The following SPAG16 variants were observed in gnomAD, a reference collection of about 807,000 sequenced individuals.
The protein encoded by SPAG16 is sperm-associated antigen 16 protein.
A neutral mutation model predicts 80.4 loss-of-function variants in SPAG16; 86 were observed. The ratio of observed to expected loss-of-function variants is 1.07; its 90% CI spans 0.90 to 1.28. The LOEUF (loss-of-function observed/expected upper bound fraction) is 1.28. Ranked by LOEUF, SPAG16 falls within the 50% of genes most tolerant of loss-of-function variation. The probability of loss-of-function intolerance (pLI) is 0.00; values close to 1 mark genes in which losing one functional copy is unlikely to be tolerated. For synonymous variants in SPAG16, 294 were observed against 265.9 expected (o/e 1.11, Z -1.03); for missense variants, 870 against 765.3 (o/e 1.14, Z -1.61).
chr2:213,679,651 A>G (rs913365774), intron 10 of SPAG16, among the ~76,000 whole-genome samples: 3 of 152,208 alleles, frequency 2.0e-5, no homozygotes, highest in Admixed American at 6.5e-5. Context: ...TGTGATGAAA[A>G]TATTTGTAAA....
At chr2:213,556,322 A>AC (rs1286098038) in intron 10 of SPAG16, among the ~76,000 whole-genome samples, 1 of 150,948 alleles carries the variant, frequency 6.6e-6, no homozygotes, top group South Asian at 2.1e-4. Flanking sequence ...CAAAAAAAAA[A>AC]AAAAACAAGA....
At chr2:213,760,052 AG>A (rs1393678202) in intron 10 of SPAG16, among the ~76,000 whole-genome samples, 1 of 152,152 alleles carries the variant, frequency 6.6e-6, no homozygotes, top group African/African-American at 2.4e-5. Flanking sequence ...GAAAAAAAAA[AG>A]AATTCAAAAA....
chr2:214,332,658 TC>T (rs747105783), intron 15 of SPAG16, among the ~76,000 whole-genome samples: 23 of 152,310 alleles, frequency 1.5e-4, no homozygotes, highest in Non-Finnish European at 2.8e-4. Context: ...TGAATCAATA[TC>T]TGTCTCATTT....
intron 15 of SPAG16, among the ~76,000 whole-genome samples, chr2:214,214,693 CCT>C (rs1390315959): frequency 2.6e-5 from 4 of 151,072 alleles, no homozygotes; most frequent in Admixed American, 2.6e-4. Context: ...TCTGGGATGC[CCT>C]CTTTATAAAA....
At chr2:213,361,227 A>G (rs1031666533) in intron 7 of SPAG16, among the ~76,000 whole-genome samples, 3 of 152,018 alleles carry the variant, frequency 2.0e-5, no homozygotes, top group African/African-American at 4.8e-5. Flanking sequence ...AATTATTGAA[A>G]ATAGTGTTCA....
chr2:214,092,989 C>T (rs997883793), intron 13 of SPAG16, among the ~76,000 whole-genome samples: 3 of 152,086 alleles, frequency 2.0e-5, no homozygotes, highest in African/African-American at 7.2e-5. Context: ...TCTCATTGCA[C>T]CCTCTTCAGA....
chr2:213,451,570 C>T (rs931045331), intron 9 of SPAG16, among the ~76,000 whole-genome samples: 7 of 152,156 alleles, frequency 4.6e-5, no homozygotes, highest in African/African-American at 1.2e-4. Context: ...AAGACTCAGA[C>T]GCACACACGC....
chr2:213,848,099 C>T (rs1179117123), intron 10 of SPAG16, among the ~76,000 whole-genome samples: 2 of 152,156 alleles, frequency 1.3e-5, no homozygotes, highest in Admixed American at 6.6e-5. Flanking sequence ...TGGTAAAACT[C>T]AGTGTAGATA....
intron 11 of SPAG16, among the ~76,000 whole-genome samples, chr2:213,884,819 A>T (rs12470525): frequency 0.59 from 90,421 of 152,038 alleles, 28,770 homozygotes; most frequent in South Asian, 0.85. Flanking sequence ...ATTCTTGTAG[A>T]GAATTTTTCA....
intron 10 of SPAG16, among the ~76,000 whole-genome samples, chr2:213,577,541 A>G (rs1424799873): frequency 1.3e-5 from 2 of 152,138 alleles, no homozygotes; most frequent in Non-Finnish European, 2.9e-5. Flanking sequence ...TAACTATTCC[A>G]AAGTCTGTAC....
intron 12 of SPAG16, among the ~76,000 whole-genome samples, chr2:213,952,704 T>C (rs776060753): frequency 2.0e-5 from 3 of 152,056 alleles, no homozygotes; most frequent in Non-Finnish European, 4.4e-5. Flanking sequence ...ATGGAACCCA[T>C]TCTAACCGTG....
At chr2:213,647,071 A>C (rs997356891) in intron 10 of SPAG16, among the ~76,000 whole-genome samples, 14 of 152,354 alleles carry the variant, frequency 9.2e-5, no homozygotes, top group African/African-American at 3.4e-4. Flanking sequence ...ATGGAATAGC[A>C]AACAGGCTTC....
In SPAG16 at chr2:213,503,004, T is replaced by C. The variant is rs112434075; in HGVS notation, c.1070+12914T>C. ...AAATATAGGTGAGTTTTAAAGACTC[T>C]TCTTAATAAGTATGAGTTAGCCAGT... On this transcript the variant is annotated intron_variant, in intron 10 of 15. Coordinates refer to ENST00000331683, the MANE Select transcript of SPAG16 (RefSeq NM_024532.5). Among the ~76,000 whole-genome samples the C allele has an allele frequency of 7.9e-4, 120 of 152,350 alleles. 2 individuals carry two copies. Among genetic ancestry groups the C allele is most frequent in the Middle Eastern group, 3.4e-3 (1 of 294 alleles).
intron 3 of SPAG16, among the ~76,000 whole-genome samples, chr2:213,300,835 A>G (rs1559385780): frequency 6.6e-6 from 1 of 152,162 alleles, no homozygotes; most frequent in African/African-American, 2.4e-5. Context: ...TTAATAGTAT[A>G]AAGTGTTGCG....
chr2:213,760,910 G>A (rs186195165), intron 10 of SPAG16, among the ~76,000 whole-genome samples: 29 of 152,308 alleles, frequency 1.9e-4, no homozygotes, highest in African/African-American at 6.5e-4. Flanking sequence ...GGCTGAACTT[G>A]TTTATAACTA....
chr2:214,342,016 G>GA (rs925476570), intron 15 of SPAG16, among the ~76,000 whole-genome samples: 38 of 150,180 alleles, frequency 2.5e-4, no homozygotes, highest in African/African-American at 8.8e-4. Flanking sequence ...ATGTAATAAA[G>GA]AAAAAACGCT....
At chr2:213,612,488 A>G (rs10181544) in intron 10 of SPAG16, among the ~76,000 whole-genome samples, 3,644 of 152,192 alleles carry the variant, frequency 0.024, 147 homozygotes, top group African/African-American at 0.082. Flanking sequence ...TAGATATTTT[A>G]AACTTAACAT....
chr2:213,402,316 ATG>A (rs1308284343), intron 9 of SPAG16, among the ~76,000 whole-genome samples: 1 of 152,086 alleles, frequency 6.6e-6, no homozygotes, highest in African/African-American at 2.4e-5. Flanking sequence ...GCAATTAGAT[ATG>A]TTATACTATC....
At chr2:214,319,652 G>A (rs1201071685) in intron 15 of SPAG16, among the ~76,000 whole-genome samples, 3 of 152,172 alleles carry the variant, frequency 2.0e-5, no homozygotes, top group Admixed American at 2.0e-4. Flanking sequence ...AGGAGCATCA[G>A]TGGTTTTGTT....
Sources: allele counts gnomAD v4.1 joint callset (sites outside exome capture counted in the v4.1 genomes callset), GRCh38; gene constraint gnomAD v4.1.1; transcripts MANE v1.5; gene names NCBI Gene and HGNC (gene_info 2026-07-23, HGNC 2026-07-21).